LSAMP: variants seen among roughly 807,000 people sequenced by gnomAD.
LSAMP encodes the protein limbic system associated membrane protein, also known as limbic system-associated membrane protein.
A neutral mutation model predicts 38.6 loss-of-function variants in LSAMP; 7 were observed. The ratio of observed to expected loss-of-function variants is 0.18; its 90% CI spans 0.10 to 0.34. LSAMP has a LOEUF of 0.34. Among genes scored for constraint, LSAMP ranks in the 10% least tolerant of loss-of-function variants. The probability of loss-of-function intolerance (pLI) is 1.00; values close to 1 mark genes in which losing one functional copy is unlikely to be tolerated. For synonymous variants in LSAMP, 154 were observed against 166.8 expected (o/e 0.92, Z 0.59); for missense variants, 313 against 420.0 (o/e 0.75, Z 2.23).
At chr3:116,091,098 G>A (rs1479980080) in intron 1 of LSAMP, among the ~76,000 whole-genome samples, 1 of 152,124 alleles carries the variant, frequency 6.6e-6, no homozygotes, top group Non-Finnish European at 1.5e-5. Flanking sequence ...CGCCCCTGGG[G>A]GGCCAGTTCA....
chr3:116,186,577 G>A (rs1710623467), intron 1 of LSAMP, among the ~76,000 whole-genome samples: 1 of 152,060 alleles, frequency 6.6e-6, no homozygotes, highest in Non-Finnish European at 1.5e-5. Flanking sequence ...ACATCACACT[G>A]GCACCATTAG....
At chr3:115,982,130 A>G (rs74923309) in intron 3 of LSAMP, among the ~76,000 whole-genome samples, 3,699 of 152,326 alleles carry the variant, frequency 0.024, 109 homozygotes, top group African/African-American at 0.064. Flanking sequence ...CTATCAATTC[A>G]TTCTACGGAT....
chr3:115,818,890 C>T (rs1934132881), intron 6 of LSAMP, among the ~76,000 whole-genome samples: 1 of 143,806 alleles, frequency 7.0e-6, no homozygotes, highest in Non-Finnish European at 1.5e-5. Flanking sequence ...AGGCTGGGCG[C>T]GGCTCACACC....
intron 2 of LSAMP, among the ~76,000 whole-genome samples, chr3:116,079,479 CCT>C (rs930333579): frequency 3.3e-5 from 5 of 152,152 alleles, no homozygotes; most frequent in Non-Finnish European, 5.9e-5. Flanking sequence ...TAGTGAAACC[CCT>C]GTCTCTACTA....
intron 1 of LSAMP, among the ~76,000 whole-genome samples, chr3:116,105,463 C>T (rs909712014): frequency 1.8e-4 from 27 of 151,096 alleles, no homozygotes; most frequent in South Asian, 8.4e-4. Flanking sequence ...GCAGAGTCAG[C>T]GAAGGGAGGT....
intron 6 of LSAMP, among the ~76,000 whole-genome samples, chr3:115,821,266 A>G (rs541360867): frequency 1.3e-5 from 2 of 152,282 alleles, no homozygotes; most frequent in African/African-American, 4.8e-5. Context: ...TCATATCTTT[A>G]TGTGTGGAAA....
chr3:116,244,542 G>T (rs1280609444), intron 1 of LSAMP, among the ~76,000 whole-genome samples: 4 of 152,114 alleles, frequency 2.6e-5, no homozygotes, highest in Non-Finnish European at 5.9e-5. Context: ...GGTCATTCTT[G>T]TCATTCTCCC....
At position 116,288,407 on chromosome 3, in the gene LSAMP, G is replaced by A. The variant is rs538873417; in HGVS notation, c.155+156470C>T. Among the ~76,000 whole-genome samples, 368 of 152,304 alleles carry A rather than the reference G, an allele frequency of 2.4e-3. 3 individuals are homozygous for A. Among genetic ancestry groups the A allele is most frequent in the African/African-American group, 8.4e-3 (351 of 41,576 alleles). ...CAGAACTGCCATTTAGCCAGTGCCT[G>A]CTCCCCCATCATGACCATTACAAGC... On this transcript the variant is annotated intron_variant, in intron 1 of 6. Coordinates refer to ENST00000490035, the MANE Select transcript of LSAMP (RefSeq NM_002338.5).
At chr3:115,990,588 A>G (rs1246046360) in intron 3 of LSAMP, among the ~76,000 whole-genome samples, 3 of 152,042 alleles carry the variant, frequency 2.0e-5, no homozygotes, top group Non-Finnish European at 4.4e-5. Flanking sequence ...AGGAATTCCA[A>G]ATGTAGCTTG....
At chr3:116,176,514 G>C (rs1286084140) in intron 1 of LSAMP, among the ~76,000 whole-genome samples, 6 of 152,202 alleles carry the variant, frequency 3.9e-5, no homozygotes, top group Non-Finnish European at 8.8e-5. Context: ...ACCAACTAAA[G>C]AAGCCAATAA....
intron 1 of LSAMP, among the ~76,000 whole-genome samples, 189 bp downstream of exon 1, chr3:116,444,688 T>C (rs1028665613): frequency 6.6e-6 from 1 of 151,126 alleles, no homozygotes; most frequent in African/African-American, 2.4e-5. Flanking sequence ...TTGTTAGCTA[T>C]AATGCCAACC....
chr3:116,262,466 A>G (rs1201782649), intron 1 of LSAMP, among the ~76,000 whole-genome samples: 1 of 152,210 alleles, frequency 6.6e-6, no homozygotes, highest in Non-Finnish European at 1.5e-5. Context: ...CCATAAATGC[A>G]TCTTTTTCTG....
rs114138952 is a variant in LSAMP, at chr3:116,008,178, A to G, written c.514+11337T>C. Among the ~76,000 whole-genome samples, 665 of 152,320 alleles carry G rather than the reference A, an allele frequency of 4.4e-3. 3 individuals carry two copies. Among genetic ancestry groups the G allele is most frequent in the Non-Finnish European group, 7.5e-3 (512 of 68,022 alleles). ...TTTTTCATTAATAAATCACTTCCGT[A>G]TGGATTATTTCACTTTAGGCAAATC... On this transcript the variant is annotated intron_variant, in intron 3 of 6. Transcript: ENST00000490035.
intron 3 of LSAMP, among the ~76,000 whole-genome samples, chr3:115,965,377 A>G (rs1272219728): frequency 6.6e-6 from 1 of 151,974 alleles, no homozygotes; most frequent in Non-Finnish European, 1.5e-5. Context: ...GAAAATATCA[A>G]TTCTAACTCA....
intron 1 of LSAMP, among the ~76,000 whole-genome samples, chr3:116,276,985 T>C (rs543984814): frequency 6.6e-6 from 1 of 152,278 alleles, no homozygotes; most frequent in African/African-American, 2.4e-5. Context: ...TCCTGTCTGA[T>C]TATAAGCGAG....
chr3:115,942,452 T>A, intron 3 of LSAMP, among the ~76,000 whole-genome samples: 2 of 152,166 alleles, frequency 1.3e-5, no homozygotes, highest in East Asian at 3.8e-4. Context: ...TCTAAGCTGA[T>A]AATTATCTCA....
At chr3:116,334,605 A>G (rs1031676875) in intron 1 of LSAMP, among the ~76,000 whole-genome samples, 1 of 152,158 alleles carries the variant, frequency 6.6e-6, no homozygotes, top group African/African-American at 2.4e-5. Flanking sequence ...AAAGTCAATC[A>G]ATGTAATATA....
intron 3 of LSAMP, among the ~76,000 whole-genome samples, chr3:115,935,226 G>A (rs780624955): frequency 3.3e-5 from 5 of 152,242 alleles, no homozygotes; most frequent in South Asian, 4.1e-4. Flanking sequence ...AGTTCATTTC[G>A]TACAGGCAGT....
chr3:116,374,188 A>G lies in LSAMP; in HGVS notation c.155+70689T>C, dbSNP rs562232185. Among the ~76,000 whole-genome samples, 16 of 152,092 alleles carry G rather than the reference A, an allele frequency of 1.1e-4. No homozygotes were observed. The East Asian group carries it at 3.1e-3, about 29-fold the overall frequency. ...CAATCACTTTTTAGAAAACATGATT[A>G]ATACCTTGCAAGACACTGAAAATTT... On this transcript the variant is annotated intron_variant, in intron 1 of 6. Coordinates refer to ENST00000490035, the MANE Select transcript of LSAMP (RefSeq NM_002338.5).
Sources: allele counts gnomAD v4.1 joint callset (sites outside exome capture counted in the v4.1 genomes callset), GRCh38; gene constraint gnomAD v4.1.1; transcripts MANE v1.5; gene names NCBI Gene and HGNC (gene_info 2026-07-23, HGNC 2026-07-21).